MTUS2: variants seen among roughly 807,000 people sequenced by gnomAD.
MTUS2 encodes microtubule-associated tumor suppressor candidate 2.
In MTUS2, 40 loss-of-function variants were observed where a neutral mutation model predicts 114.1. That is an observed-to-expected ratio of 0.35 (90% CI 0.27 to 0.46). MTUS2 has a LOEUF of 0.46. MTUS2 is among the 20% of genes least tolerant of loss of function. MTUS2 has a pLI of 1.00. For synonymous variants in MTUS2, 688 were observed against 672.0 expected (o/e 1.02, Z -0.37); for missense variants, 1,679 against 1,705.4 (o/e 0.98, Z 0.27).
chr13:29,225,170 GAGCCTGGTGAGCTGAAGGCT>G (rs1896057067), intron 5 of MTUS2, among the ~76,000 whole-genome samples: 1 of 152,244 alleles, frequency 6.6e-6, no homozygotes, highest in South Asian at 2.1e-4. Context: ...TGCAGCCTGG[GAGCCTGGTGAGCTGAAGGCT>G]CAAGCCCTTC....
intron 7 of MTUS2, among the ~76,000 whole-genome samples, chr13:29,337,688 G>T (rs1392905414): frequency 9.3e-5 from 14 of 150,250 alleles, no homozygotes; most frequent in Admixed American, 9.3e-4. Context: ...TGCAATCTCT[G>T]CCTCCCGGGT....
At chr13:28,981,733 C>T (rs547636560) in intron 2 of MTUS2, among the ~76,000 whole-genome samples, 1 of 152,224 alleles carries the variant, frequency 6.6e-6, no homozygotes, top group East Asian at 1.9e-4. Context: ...CCCTGTGCCA[C>T]TTGCACTTTT....
chr13:29,422,817 AGACAGG>A (rs1463585791), intron 8 of MTUS2, among the ~76,000 whole-genome samples: 1 of 151,870 alleles, frequency 6.6e-6, no homozygotes, highest in Non-Finnish European at 1.5e-5. Flanking sequence ...TTTTTAATAG[AGACAGG>A]GTTTCACCCT....
intron 8 of MTUS2, among the ~76,000 whole-genome samples, chr13:29,403,692 ACGT>A (rs1200010460): frequency 6.6e-6 from 1 of 152,162 alleles, no homozygotes; most frequent in African/African-American, 2.4e-5. Context: ...TCATATTGAA[ACGT>A]CGGTTCTTGC....
chr13:29,019,103 TTTTC>T (rs1208031692), intron 2 of MTUS2, among the ~76,000 whole-genome samples: 1 of 152,096 alleles, frequency 6.6e-6, no homozygotes, highest in Non-Finnish European at 1.5e-5. Flanking sequence ...TTCACTTTCA[TTTTC>T]TTTATTTTTT....
chr13:28,881,174 T>C (rs892232309), intron 2 of MTUS2, among the ~76,000 whole-genome samples: 3 of 152,334 alleles, frequency 2.0e-5, no homozygotes, highest in African/African-American at 7.2e-5. Flanking sequence ...GCCATTGTTA[T>C]GTCCATGTGT....
intron 2 of MTUS2, among the ~76,000 whole-genome samples, chr13:28,894,282 G>C (rs867579088): frequency 5.2e-5 from 2 of 38,488 alleles, no homozygotes; most frequent in South Asian, 1.2e-3. Context: ...GAGTTGGTGG[G>C]GGGGGGGGAG....
intron 2 of MTUS2, among the ~76,000 whole-genome samples, chr13:28,987,962 C>G (rs2138323406): frequency 6.6e-6 from 1 of 152,352 alleles, no homozygotes. Flanking sequence ...CTGCATTACT[C>G]TCTGCCTTGG....
chr13:28,875,260 G>C (rs763672065), intron 2 of MTUS2, among the ~76,000 whole-genome samples: 15 of 148,434 alleles, frequency 1.0e-4, no homozygotes, highest in African/African-American at 3.8e-4. Flanking sequence ...AGTAGATACT[G>C]TTGGTTCTTG....
At chr13:28,927,115 C>T (rs994822869) in intron 2 of MTUS2, among the ~76,000 whole-genome samples, 10 of 152,146 alleles carry the variant, frequency 6.6e-5, no homozygotes, top group African/African-American at 2.4e-4. Context: ...TTTTCTTCTA[C>T]TTAAACGTAC....
chr13:29,122,636 G>A (rs1353306281), intron 5 of MTUS2, among the ~76,000 whole-genome samples: 1 of 152,184 alleles, frequency 6.6e-6, no homozygotes, highest in East Asian at 1.9e-4. Flanking sequence ...GTCAGATGGG[G>A]AGAGCATTCC....
At chr13:29,014,207 C>G (rs183343886) in intron 2 of MTUS2, among the ~76,000 whole-genome samples, 1 of 152,184 alleles carries the variant, frequency 6.6e-6, no homozygotes, top group Admixed American at 6.5e-5. Context: ...CCAGGCCCCA[C>G]CCTGCTGTGA....
intron 9 of MTUS2, among the ~76,000 whole-genome samples, chr13:29,452,570 ATATATGTGTGTG>A (rs1208800416): frequency 0.033 from 4,378 of 131,154 alleles, 101 homozygotes; most frequent in South Asian, 0.06. Flanking sequence ...ATATATATAT[ATATATGTGTGTG>A]TGTGTGTGTG....
At chr13:28,885,745 T>G (rs12860878) in intron 2 of MTUS2, among the ~76,000 whole-genome samples, 16,871 of 152,252 alleles carry the variant, frequency 0.11, 1,159 homozygotes, top group Middle Eastern at 0.2. Flanking sequence ...TTGATATATA[T>G]CCAACAAATA....
Position 29,253,194 on chromosome 13 carries a change from G to A in MTUS2, c.2645-28510G>A, listed in dbSNP as rs542404109. Among the ~76,000 whole-genome samples, 6 of 151,868 alleles carry A rather than the reference G, an allele frequency of 4.0e-5. No individual in the cohort carries two copies. In the East Asian group the frequency reaches 1.2e-3, roughly 29 times the overall value. On this transcript the variant is annotated intron_variant, in intron 5 of 15. Coordinates refer to ENST00000612955, the MANE Select transcript of MTUS2 (RefSeq NM_001033602.4). ...TAATTCTAGCACTTTGGGAGGCCGAGGCAGGCAAATCACTTGAGATCAGGA... is the reference window on the plus strand; with the variant it reads ...TAATTCTAGCACTTTGGGAGGCCGAAGCAGGCAAATCACTTGAGATCAGGA...
intron 6 of MTUS2, among the ~76,000 whole-genome samples, chr13:29,324,211 C>T (rs944331450): frequency 2.0e-5 from 3 of 152,204 alleles, no homozygotes; most frequent in Non-Finnish European, 4.4e-5. Flanking sequence ...AGCAGCTATG[C>T]GCAGCTACAG....
chr13:28,945,962 C>A (rs1320842853), intron 2 of MTUS2, among the ~76,000 whole-genome samples: 1 of 152,110 alleles, frequency 6.6e-6, no homozygotes, highest in Non-Finnish European at 1.5e-5. Flanking sequence ...TTTTAGGACT[C>A]TGAAAGACAG....
intron 5 of MTUS2, among the ~76,000 whole-genome samples, chr13:29,276,861 G>A (rs1266536117): frequency 6.6e-6 from 1 of 151,972 alleles, no homozygotes; most frequent in Non-Finnish European, 1.5e-5. Flanking sequence ...CCGTGCCACT[G>A]CACTCCAGCC....
intron 8 of MTUS2, among the ~76,000 whole-genome samples, chr13:29,422,931 A>G (rs1317430671): frequency 2.6e-5 from 4 of 152,128 alleles, no homozygotes; most frequent in Admixed American, 1.3e-4. Context: ...CGCCCAGCCC[A>G]TGGTTTCTTT....
Sources: allele counts gnomAD v4.1 joint callset (sites outside exome capture counted in the v4.1 genomes callset), GRCh38; gene constraint gnomAD v4.1.1; transcripts MANE v1.5; gene names NCBI Gene and HGNC (gene_info 2026-07-23, HGNC 2026-07-21).